JAZF1: variants seen among roughly 807,000 people sequenced by gnomAD.
JAZF1 encodes the protein juxtaposed with another zinc finger protein 1.
JAZF1 carries 8 observed loss-of-function variants against 26.4 expected under a neutral mutation model. That is an observed-to-expected ratio of 0.30 (90% confidence interval 0.18 to 0.55). The LOEUF (loss-of-function observed/expected upper bound fraction) is 0.55, where lower values mean the gene tolerates loss of function less well. Among genes scored for constraint, JAZF1 ranks in the 20% least tolerant of loss-of-function variants. The pLI is 0.94. For synonymous variants in JAZF1, 126 were observed against 122.3 expected (o/e 1.03, Z -0.20); for missense variants, 199 against 322.0 (o/e 0.62, Z 2.92).
chr7:27,873,793 G>A (rs1403659556), intron 3 of JAZF1, among the ~76,000 whole-genome samples: 2 of 152,140 alleles, frequency 1.3e-5, no homozygotes, highest in South Asian at 2.1e-4. Context: ...CTGGGTCTTC[G>A]AGGAACAGCC....
At chr7:27,941,322 C>T (rs1784845044) in intron 2 of JAZF1, among the ~76,000 whole-genome samples, 1 of 152,152 alleles carries the variant, frequency 6.6e-6, no homozygotes, top group Non-Finnish European at 1.5e-5. Context: ...GATCTTTTTG[C>T]CAATATCAGT....
chr7:28,180,382 AC>A, intron 1 of JAZF1, 80 bp downstream of exon 1: 1 of 610,292 alleles, frequency 1.6e-6, no homozygotes, highest in Non-Finnish European at 2.5e-6. Flanking sequence ...CCCGCCGGCC[AC>A]CCCTGGCCAT....
intron 1 of JAZF1, 21 bp from the exon 2 acceptor site, chr7:27,992,002 C>G (rs372817233): frequency 6.8e-7 from 1 of 1,478,958 alleles, no homozygotes; most frequent in Admixed American, 1.7e-5. Flanking sequence ...AACACAATTA[C>G]GATTTTTTTT....
chr7:27,946,321 A>C (rs1265704833), intron 2 of JAZF1, among the ~76,000 whole-genome samples: 1 of 152,246 alleles, frequency 6.6e-6, no homozygotes, highest in Non-Finnish European at 1.5e-5. Flanking sequence ...ACACACACCA[A>C]ATAAAGATAT....
At chr7:27,875,438 T>C (rs776216195) in intron 3 of JAZF1, among the ~76,000 whole-genome samples, 9 of 147,642 alleles carry the variant, frequency 6.1e-5, no homozygotes, top group Non-Finnish European at 1.3e-4. Context: ...GACATTCCCC[T>C]GTTTAAAACC....
chr7:27,957,346 A>G (rs1390000691), intron 2 of JAZF1, among the ~76,000 whole-genome samples: 1 of 152,212 alleles, frequency 6.6e-6, no homozygotes, highest in African/African-American at 2.4e-5. Flanking sequence ...TTTATTTTAT[A>G]GGATATGATG....
At chr7:27,978,361 T>A (rs1369875513) in intron 2 of JAZF1, among the ~76,000 whole-genome samples, 1 of 152,176 alleles carries the variant, frequency 6.6e-6, no homozygotes, top group Non-Finnish European at 1.5e-5. Flanking sequence ...AAAACAGTGA[T>A]AGTTTCTGAG....
chr7:27,956,642 A>T (rs944201396), intron 2 of JAZF1, among the ~76,000 whole-genome samples: 1 of 152,156 alleles, frequency 6.6e-6, no homozygotes, highest in Admixed American at 6.5e-5. Flanking sequence ...TCTGGAAGAA[A>T]GGGCCCTATG....
chr7:28,017,875 G>A (rs560960840), intron 1 of JAZF1, among the ~76,000 whole-genome samples: 3 of 152,340 alleles, frequency 2.0e-5, no homozygotes, highest in Non-Finnish European at 4.4e-5. Context: ...CGGGGTTCAA[G>A]CGATTCTTGT....
At chr7:28,152,046 T>A (rs1470583440) in intron 1 of JAZF1, among the ~76,000 whole-genome samples, 2 of 152,174 alleles carry the variant, frequency 1.3e-5, no homozygotes, top group Non-Finnish European at 2.9e-5. Context: ...TGTCTTTACG[T>A]AGTTTCGTCC....
At chr7:27,987,091 G>C (rs1428994170) in intron 2 of JAZF1, among the ~76,000 whole-genome samples, 6 of 152,114 alleles carry the variant, frequency 3.9e-5, no homozygotes, top group Non-Finnish European at 7.4e-5. Context: ...TCTGGGAAGT[G>C]AGGAGCGTCT....
chr7:27,893,444 T>A (rs977097884), intron 3 of JAZF1, among the ~76,000 whole-genome samples: 3 of 152,176 alleles, frequency 2.0e-5, no homozygotes, highest in African/African-American at 7.2e-5. Context: ...CCCGCCTACC[T>A]CCTCAGTCTC....
intron 3 of JAZF1, chr7:27,842,824 A>G (rs973932010): frequency 7.2e-5 from 11 of 152,168 alleles, no homozygotes; most frequent in Non-Finnish European, 1.5e-4. Context: ...AGTTAGAAAG[A>G]CTAATTTATC....
chr7:27,961,485 C>T (rs1268516651), intron 2 of JAZF1, among the ~76,000 whole-genome samples: 1 of 152,208 alleles, frequency 6.6e-6, no homozygotes, highest in East Asian at 1.9e-4. Context: ...TCCCAGACCA[C>T]ATCATAACTG....
chr7:28,150,288 G>C (rs1436437720), intron 1 of JAZF1, among the ~76,000 whole-genome samples: 1 of 152,146 alleles, frequency 6.6e-6, no homozygotes, highest in East Asian at 1.9e-4. Flanking sequence ...GAGGACTCAG[G>C]GAATTGCCAA....
intron 1 of JAZF1, among the ~76,000 whole-genome samples, chr7:27,999,413 C>T (rs1001815417): frequency 9.2e-5 from 14 of 152,168 alleles, no homozygotes; most frequent in Non-Finnish European, 1.8e-4. Context: ...GAAGAGAAGA[C>T]AGCTGCTTGT....
chr7:28,058,567 C>G (rs1308269216), intron 1 of JAZF1, among the ~76,000 whole-genome samples: 2 of 152,162 alleles, frequency 1.3e-5, no homozygotes, highest in Admixed American at 6.5e-5. Context: ...GATCAGGGAA[C>G]AGTATAGCAT....
chr7:28,180,025 G>A (rs1376331764), intron 1 of JAZF1, among the ~76,000 whole-genome samples: 1 of 141,878 alleles, frequency 7.0e-6, no homozygotes, highest in South Asian at 2.3e-4. Context: ...TGCCCTCAGC[G>A]CCTCGGGCTA....
intron 1 of JAZF1, among the ~76,000 whole-genome samples, chr7:28,176,461 C>G (rs370186948): frequency 1.3e-5 from 2 of 152,196 alleles, no homozygotes; most frequent in Non-Finnish European, 2.9e-5. Flanking sequence ...CAAGGCCCAC[C>G]CTGACCAATC....
Sources: gnomAD v4.1 joint callset for allele counts (sites outside exome capture counted in the v4.1 genomes callset) on GRCh38, gnomAD v4.1.1 for gene constraint, MANE v1.5 for transcripts, NCBI Gene and HGNC (gene_info 2026-07-23, HGNC 2026-07-21) for gene names.